The following INPP5A variants were observed in gnomAD, a reference collection of about 807,000 sequenced individuals.
INPP5A encodes inositol polyphosphate-5-phosphatase A, also known as 43 kDa inositol polyphosphate 5-phophatase.
Under a neutral mutation model 65.2 loss-of-function variants are expected in INPP5A, and 14 were observed. The observed-to-expected ratio is 0.21, with a 90% CI of 0.14 to 0.34. INPP5A has a LOEUF of 0.34. INPP5A is among the 10% of genes least tolerant of loss of function. The pLI, the probability that INPP5A is intolerant of heterozygous loss-of-function variation, is 1.00. For synonymous variants in INPP5A, 207 were observed against 208.3 expected (o/e 0.99, Z 0.05); for missense variants, 431 against 545.6 (o/e 0.79, Z 2.09).
At chr10:132,757,757 GCGA>G (rs1399842352) in intron 11 of INPP5A, among the ~76,000 whole-genome samples, 2 of 132,984 alleles carry the variant, frequency 1.5e-5, no homozygotes, top group African/African-American at 2.7e-5. Context: ...ACAGGCCAGT[GCGA>G]TGTCGTGGGT....
chr10:132,568,828 A>G (rs1472029453), intron 1 of INPP5A, among the ~76,000 whole-genome samples: 1 of 152,054 alleles, frequency 6.6e-6, no homozygotes, highest in Non-Finnish European at 1.5e-5. Flanking sequence ...AAGTACAGAA[A>G]TTGTATTGTC....
intron 8 of INPP5A, among the ~76,000 whole-genome samples, chr10:132,719,430 AG>A (rs1845816706): frequency 2.0e-5 from 2 of 101,286 alleles, no homozygotes; most frequent in Admixed American, 1.1e-4. Context: ...GGCTGTCTTC[AG>A]GGTTCTGTGG....
intron 1 of INPP5A, among the ~76,000 whole-genome samples, chr10:132,594,669 T>C (rs145775245): frequency 6.6e-6 from 1 of 152,156 alleles, no homozygotes; most frequent in East Asian, 1.9e-4. Flanking sequence ...GGTGCATATG[T>C]GTGGCGTGGT....
Position 132,651,204 on chromosome 10 carries a change from T to G in INPP5A, c.306+699T>G, listed in dbSNP as rs2072572136. 6.6e-6 allele frequency among the ~76,000 whole-genome samples: 1 copy of G among 152,070 alleles called. No individual in the cohort carries two copies. On this transcript the variant is annotated intron_variant, in intron 4 of 15. Transcript: ENST00000368594. This position sits in a 1 kb window ranked among gnomAD's most constrained non-coding sequence, Gnocchi z 5.0. ...TTGGTTCAGAGACCCACGTCTTAAATCCCGTCTTTATGCCCTGGGTCCCCC... is the reference window on the plus strand; with the variant it reads ...TTGGTTCAGAGACCCACGTCTTAAAGCCCGTCTTTATGCCCTGGGTCCCCC...
intron 1 of INPP5A, among the ~76,000 whole-genome samples, chr10:132,598,038 T>C (rs2071729956): frequency 6.6e-6 from 1 of 152,266 alleles, no homozygotes; most frequent in African/African-American, 2.4e-5. Context: ...ACTGTCTGTT[T>C]TAATTTCAAT....
chr10:132,548,046 T>C (rs1359558880), intron 1 of INPP5A, among the ~76,000 whole-genome samples: 1 of 152,076 alleles, frequency 6.6e-6, no homozygotes, highest in Non-Finnish European at 1.5e-5. Context: ...ATTACAGGCG[T>C]GCACCACCAC....
intron 1 of INPP5A, among the ~76,000 whole-genome samples, chr10:132,543,716 T>C (rs2070934919): frequency 6.6e-6 from 1 of 152,262 alleles, no homozygotes; most frequent in Non-Finnish European, 1.5e-5. Flanking sequence ...CAGTGCCAAG[T>C]CTCTTTATTC....
At chr10:132,743,659 G>A (rs1782967700) in intron 9 of INPP5A, among the ~76,000 whole-genome samples, 1 of 152,206 alleles carries the variant, frequency 6.6e-6, no homozygotes, top group Non-Finnish European at 1.5e-5. Context: ...CGTGTGGGGA[G>A]GAAACTTCTG....
chr10:132,693,533 G>T (rs536229585), intron 5 of INPP5A, among the ~76,000 whole-genome samples: 4 of 152,182 alleles, frequency 2.6e-5, no homozygotes, highest in African/African-American at 9.6e-5. Context: ...AAAGCTGGAG[G>T]AGCTATATTA....
chr10:132,711,151 GAA>G (rs1485276998), intron 8 of INPP5A, among the ~76,000 whole-genome samples: 6 of 152,202 alleles, frequency 3.9e-5, no homozygotes, highest in Non-Finnish European at 8.8e-5. Context: ...ATAGGACACT[GAA>G]GAGTCAGTGG....
intron 3 of INPP5A, among the ~76,000 whole-genome samples, chr10:132,648,283 T>A (rs1242346742): frequency 6.6e-6 from 1 of 152,272 alleles, no homozygotes; most frequent in Admixed American, 6.5e-5. Flanking sequence ...CCGTGTTTGG[T>A]GTGAGAGCTT....
rs2072934493 is a variant in INPP5A, at chr10:132,674,338, C to T, written c.307-16054C>T. Among the ~76,000 whole-genome samples, 1 of 152,196 alleles carries T rather than the reference C, an allele frequency of 6.6e-6. No individual in the cohort carries two copies. The highest frequency in any genetic ancestry group is 1.5e-5 in the Non-Finnish European group (1 of 68,038). On this transcript the variant is annotated intron_variant, in intron 4 of 15. Transcript: ENST00000368594. This position sits in a 1 kb window ranked among gnomAD's most constrained non-coding sequence, Gnocchi z 4.4. ...TCTCCTTCCAAGCAGAGTGCACAAG[C>T]GGGTGCACTGCTTGAAGTTCTGCCC...
intron 8 of INPP5A, among the ~76,000 whole-genome samples, chr10:132,713,037 T>C (rs1165110703): frequency 6.6e-6 from 1 of 150,842 alleles, no homozygotes; most frequent in East Asian, 2.0e-4. Context: ...TATGTGTGCG[T>C]GTGTGTGGGT....
chr10:132,703,806 C>T (rs1467402763), intron 6 of INPP5A, among the ~76,000 whole-genome samples: 2 of 76,382 alleles, frequency 2.6e-5, no homozygotes, highest in Non-Finnish European at 5.0e-5. Flanking sequence ...ACACGCTTGG[C>T]TTCACTCCCA....
intron 12 of INPP5A, among the ~76,000 whole-genome samples, chr10:132,775,822 C>T (rs1403970242): frequency 6.6e-6 from 1 of 152,204 alleles, no homozygotes; most frequent in Non-Finnish European, 1.5e-5. Context: ...TCCTGCCACG[C>T]CCTGGCTTCT....
chr10:132,709,342 A>G (rs1845594266), intron 7 of INPP5A, among the ~76,000 whole-genome samples: 1 of 106,406 alleles, frequency 9.4e-6, no homozygotes, highest in African/African-American at 3.7e-5. Flanking sequence ...AGGTGGGGGA[A>G]GAGTGAGAGA....
At chr10:132,623,639 T>G (rs2072136599) in intron 2 of INPP5A, among the ~76,000 whole-genome samples, 1 of 152,148 alleles carries the variant, frequency 6.6e-6, no homozygotes, top group Non-Finnish European at 1.5e-5. Flanking sequence ...AGAAAAGAAT[T>G]GGCAAATTCA....
chr10:132,587,669 G>A lies in INPP5A; in HGVS notation c.76-20246G>A, dbSNP rs2071562016. Among the ~76,000 whole-genome samples the A allele has an allele frequency of 1.3e-5, 2 of 152,176 alleles. No individual in the cohort carries two copies. The highest frequency in any genetic ancestry group is 2.1e-4 in the South Asian group (1 of 4,834). ...AGAAACGGGGCCTGTAGATAATTGC[G>A]TTTTGTGTATGCCATGATTTCAAAG... On this transcript the variant is annotated intron_variant, in intron 1 of 15. Transcript: ENST00000368594. This position sits in a 1 kb window ranked among gnomAD's most constrained non-coding sequence, Gnocchi z 4.3.
At chr10:132,661,841 A>G (rs2072740750) in intron 4 of INPP5A, among the ~76,000 whole-genome samples, 1 of 152,244 alleles carries the variant, frequency 6.6e-6, no homozygotes, top group South Asian at 2.1e-4. Flanking sequence ...TAAACAGATC[A>G]CAGAACATTA....
Sources: gnomAD v4.1 joint callset for allele counts (sites outside exome capture counted in the v4.1 genomes callset) on GRCh38, gnomAD v4.1.1 for gene constraint, Gnocchi (gnomAD v3.1) non-coding constraint, MANE v1.5 for transcripts, NCBI Gene and HGNC (gene_info 2026-07-23, HGNC 2026-07-21) for gene names.